PDGFRL: variants seen among roughly 807,000 people sequenced by gnomAD.
PDGFRL encodes the protein platelet derived growth factor receptor like, also known as platelet-derived growth factor receptor-like protein.
Under a neutral mutation model 37.2 loss-of-function variants are expected in PDGFRL, and 46 were observed. The ratio of observed to expected loss-of-function variants is 1.24; its 90% confidence interval spans 0.98 to 1.58. The LOEUF is 1.58. Among genes scored for constraint, PDGFRL ranks in the 40% most tolerant of loss-of-function variants. The pLI is 0.00. For missense variants in PDGFRL, 692 were observed against 467.6 expected (o/e 1.48, Z -4.43); for synonymous variants, 251 against 184.3 (o/e 1.36, Z -2.93).
rs1431945269 is a variant in PDGFRL, at chr8:17,584,740, C to A, written c.56-4728C>A. Among the ~76,000 whole-genome samples, 3 of 144,968 alleles carry A rather than the reference C, an allele frequency of 2.1e-5. No homozygotes were observed. The Admixed American group carries it at 2.1e-4, about 10-fold the overall frequency. On this transcript the variant is annotated intron_variant, in intron 1 of 5. Transcript: ENST00000251630. ...TGCTTTTTTTTTTTTTTTAAAGATACTTTAAACAGTGGTAGTGTTACCGGA... is the reference window on the plus strand; with the variant it reads ...TGCTTTTTTTTTTTTTTTAAAGATAATTTAAACAGTGGTAGTGTTACCGGA...
rs1450428102 is a variant in PDGFRL at position 17,642,773 on chromosome 8, C to T, written c.1100C>T (p.Thr367Ile). Residue 367 changes from threonine (T) to isoleucine (I), a missense_variant, in exon 6 of 6, where the codon ACA becomes ATA. Thr to Ile is a moderately conservative substitution (Grantham distance 89, BLOSUM62 -1). Coordinates refer to ENST00000251630, the MANE Select transcript of PDGFRL (RefSeq NM_001372073.1). ...CTAQNLQGQT[T>I]VATTVEFS ...GCTCAGAATCTTCAAGGACAGACCA[C>T]AGTAGCTACCACTGTTGAGTTTTCC... 3.7e-6 allele frequency: 6 copies of T among 1,608,808 alleles called. No individual in the cohort carries two copies. In the Admixed American group the frequency reaches 8.4e-5, roughly 22 times the overall value.
intron 2 of PDGFRL, among the ~76,000 whole-genome samples, chr8:17,593,447 A>AT (rs1803985338): frequency 7.2e-6 from 1 of 138,412 alleles, no homozygotes; most frequent in Admixed American, 7.2e-5. Context: ...GAAAAAAAAA[A>AT]TTTAACCTGG....
intron 2 of PDGFRL, among the ~76,000 whole-genome samples, chr8:17,594,272 G>A (rs1172188234): frequency 6.6e-6 from 1 of 152,226 alleles, no homozygotes. Context: ...ACGGAGTCTT[G>A]CTCTGTCACC....
chr8:17,591,967 C>T (rs1287420636), intron 2 of PDGFRL, among the ~76,000 whole-genome samples: 4 of 152,118 alleles, frequency 2.6e-5, no homozygotes, highest in Admixed American at 6.6e-5. Context: ...TCAGACTCTG[C>T]ATGTTCACAA....
In PDGFRL at chr8:17,629,121, G is replaced by C. The variant is rs569838050; in HGVS notation, c.799+341G>C. 1.3e-4 allele frequency among the ~76,000 whole-genome samples: 19 copies of C among 144,614 alleles called. No individual in the cohort carries two copies. In the South Asian group the frequency reaches 3.8e-3, roughly 29 times the overall value. The allele number at this position is 144,614 out of a possible 152,430, so 94.9% of individuals were successfully genotyped here. ...TTTTTTTTTTGTCTCATAGAGAAGA[G>C]GTCTCCCTACCTTGCCTGGGCTGGT... is the stretch of plus-strand genomic sequence containing the variant. On this transcript the variant is annotated intron_variant, in intron 4 of 5. Transcript: ENST00000251630.
At chr8:17,578,199 G>A (rs1406797671) in intron 1 of PDGFRL, among the ~76,000 whole-genome samples, 1 of 152,148 alleles carries the variant, frequency 6.6e-6, no homozygotes, top group Non-Finnish European at 1.5e-5. Flanking sequence ...ACCCTCTCTT[G>A]AAATTCCTGG....
intron 3 of PDGFRL, among the ~76,000 whole-genome samples, chr8:17,623,876 A>AAG (rs1234163613): frequency 6.6e-5 from 10 of 151,142 alleles, no homozygotes; most frequent in Non-Finnish European, 1.2e-4. Context: ...TTTACCTCAA[A>AAG]AAAAAAAAAT....
intron 2 of PDGFRL, among the ~76,000 whole-genome samples, chr8:17,595,851 A>G (rs1396120642): frequency 6.6e-6 from 1 of 152,156 alleles, no homozygotes; most frequent in African/African-American, 2.4e-5. Context: ...CCACCTCCCA[A>G]CAGCCTGTAC....
chr8:17,606,651 T>C (rs923124842), intron 2 of PDGFRL, among the ~76,000 whole-genome samples: 1 of 152,124 alleles, frequency 6.6e-6, no homozygotes, highest in Non-Finnish European at 1.5e-5. Context: ...GTACTCAATG[T>C]TCTGAGAGCG....
At chr8:17,606,812 G>T (rs1354178083) in intron 2 of PDGFRL, among the ~76,000 whole-genome samples, 1 of 151,976 alleles carries the variant, frequency 6.6e-6, no homozygotes, top group African/African-American at 2.4e-5. Flanking sequence ...CCTAAATATC[G>T]GTGAGCTATT....
chr8:17,608,952 C>T (rs545076786), intron 2 of PDGFRL, among the ~76,000 whole-genome samples: 1 of 152,322 alleles, frequency 6.6e-6, no homozygotes, highest in South Asian at 2.1e-4. Context: ...GGCAAGGCAG[C>T]TCATGCCTGT....
chr8:17,580,658 G>A (rs1340150579), intron 1 of PDGFRL, among the ~76,000 whole-genome samples: 1 of 152,164 alleles, frequency 6.6e-6, no homozygotes, highest in Non-Finnish European at 1.5e-5. Context: ...CGAGAATCAT[G>A]AATCAGGGTC....
At chr8:17,616,840 CATT>C (rs1269931680) in intron 2 of PDGFRL, among the ~76,000 whole-genome samples, 1 of 152,160 alleles carries the variant, frequency 6.6e-6, no homozygotes, top group Non-Finnish European at 1.5e-5. Flanking sequence ...ACCAATGAAT[CATT>C]ATCTTGTAAC....
At chr8:17,603,462 G>A (rs890415541) in intron 2 of PDGFRL, among the ~76,000 whole-genome samples, 3 of 152,144 alleles carry the variant, frequency 2.0e-5, no homozygotes, top group Non-Finnish European at 4.4e-5. Flanking sequence ...TGTATTTTCA[G>A]GTGCTGAAAT....
intron 2 of PDGFRL, among the ~76,000 whole-genome samples, chr8:17,593,327 C>G (rs947133490): frequency 6.6e-6 from 1 of 152,080 alleles, no homozygotes; most frequent in Non-Finnish European, 1.5e-5. Context: ...CATGATGACT[C>G]ACACCTGTAA....
At chr8:17,604,054 T>C (rs534145610) in intron 2 of PDGFRL, among the ~76,000 whole-genome samples, 2 of 152,168 alleles carry the variant, frequency 1.3e-5, no homozygotes, top group Admixed American at 6.5e-5. Context: ...AGGCAGACCA[T>C]GGAGGGCCTT....
intron 2 of PDGFRL, among the ~76,000 whole-genome samples, chr8:17,601,272 T>C (rs6983027): frequency 0.22 from 33,552 of 151,980 alleles, 4,330 homozygotes; most frequent in African/African-American, 0.34. Flanking sequence ...CCCAGCACAG[T>C]CTCCAGCATG....
chr8:17,590,506 G>A (rs1010226602), intron 2 of PDGFRL, among the ~76,000 whole-genome samples: 4 of 152,002 alleles, frequency 2.6e-5, no homozygotes, highest in African/African-American at 9.7e-5. Flanking sequence ...GAGGCCAGGA[G>A]TTGGAGATTA....
At chr8:17,640,886 C>A in intron 5 of PDGFRL, among the ~76,000 whole-genome samples, 1 of 151,590 alleles carries the variant, frequency 6.6e-6, no homozygotes. Context: ...AGAAAAAGAC[C>A]ATTAGTTGGG....
Sources: allele counts gnomAD v4.1 joint callset (sites outside exome capture counted in the v4.1 genomes callset), GRCh38; gene constraint gnomAD v4.1.1; transcripts MANE v1.5; gene names NCBI Gene and HGNC (gene_info 2026-07-23, HGNC 2026-07-21).